The following CLCN3 variants were observed in gnomAD, a reference collection of about 807,000 sequenced individuals.
CLCN3 encodes the protein Cl-/H+ antiporter 3, also known as H(+)/Cl(-) exchange transporter 3.
CLCN3 carries 16 observed loss-of-function variants against 83.4 expected under a neutral mutation model. The observed-to-expected ratio is 0.19, with a 90% CI of 0.13 to 0.29. The LOEUF (loss-of-function observed/expected upper bound fraction) is 0.29. Ranked by LOEUF, CLCN3 falls within the 10% of genes least tolerant of loss-of-function variation. The pLI is 1.00. For synonymous variants in CLCN3, 322 were observed against 346.2 expected, an observed-to-expected ratio of 0.93 and a Z score of 0.78; for missense variants, 544 against 1,006.0, an observed-to-expected ratio of 0.54 and a Z score of 6.21.
intron 2 of CLCN3, chr4:169,660,515 G>A: frequency 9.0e-7 from 1 of 1,107,688 alleles, no homozygotes; most frequent in Non-Finnish European, 1.2e-6. Flanking sequence ...CGGTCCTCTA[G>A]CTTAAACTGG....
intron 10 of CLCN3, among the ~76,000 whole-genome samples, chr4:169,706,133 A>T (rs1304142722): frequency 6.6e-6 from 1 of 152,108 alleles, no homozygotes; most frequent in African/African-American, 2.4e-5. Flanking sequence ...AGCCCAAACG[A>T]GCCTCCCACC....
intron 9 of CLCN3, among the ~76,000 whole-genome samples, chr4:169,702,236 G>A (rs1183380976): frequency 2.0e-5 from 3 of 152,134 alleles, no homozygotes; most frequent in East Asian, 1.9e-4. Context: ...GGGTTGGGAG[G>A]ATGCCTGTCC....
chr4:169,649,492 A>G (rs936512511), intron 2 of CLCN3, among the ~76,000 whole-genome samples: 4 of 152,220 alleles, frequency 2.6e-5, no homozygotes, highest in African/African-American at 9.6e-5. Context: ...GTCTAGGACT[A>G]TAGGTAGTGA....
At chr4:169,712,580 A>G (rs1733264386) in intron 11 of CLCN3, among the ~76,000 whole-genome samples, 1 of 152,230 alleles carries the variant, frequency 6.6e-6, no homozygotes, top group Non-Finnish European at 1.5e-5. Context: ...TAACATGAGA[A>G]AAGAAAAAGA....
intron 2 of CLCN3, among the ~76,000 whole-genome samples, chr4:169,676,773 C>G (rs1731697895): frequency 6.6e-6 from 1 of 151,136 alleles, no homozygotes; most frequent in Non-Finnish European, 1.5e-5. Context: ...GCTGGGATTA[C>G]AAGCGTGAGC....
intron 6 of CLCN3, among the ~76,000 whole-genome samples, chr4:169,691,774 T>G (rs560216500): frequency 1.7e-4 from 26 of 152,312 alleles, no homozygotes; most frequent in Admixed American, 3.3e-4. Context: ...TTATGCTTAT[T>G]TTTACAACAG....
rs558542444 is a variant in CLCN3, at chr4:169,671,610, T to TAA, written c.161-8432_161-8431dup. Among the ~76,000 whole-genome samples, 331 of 151,482 alleles carry TAA rather than the reference T, an allele frequency of 2.2e-3. 1 individual carries two copies. The highest frequency in any genetic ancestry group is 3.7e-3 in the Non-Finnish European group (252 of 67,804). On this transcript the variant is annotated intron_variant, in intron 2 of 12. Transcript: ENST00000513761. ...GAACATGTATCCCAGAACTTAAATT[T>TAA]AAAAAAAAAGAATTTTTCTCCTCTG...
intron 12 of CLCN3, among the ~76,000 whole-genome samples, chr4:169,714,177 T>C (rs1197658297): frequency 2.0e-5 from 3 of 152,084 alleles, no homozygotes; most frequent in Admixed American, 1.3e-4. Context: ...CGAAGGCAAA[T>C]ACCAAAAAAC....
intron 11 of CLCN3, among the ~76,000 whole-genome samples, chr4:169,710,627 A>T (rs1023744971): frequency 6.6e-6 from 1 of 152,244 alleles, no homozygotes; most frequent in African/African-American, 2.4e-5. Context: ...CACTTCTGGT[A>T]CTTTGTATAT....
chr4:169,708,745 G>A (rs1020985880), intron 11 of CLCN3, among the ~76,000 whole-genome samples: 1 of 152,086 alleles, frequency 6.6e-6, no homozygotes, highest in African/African-American at 2.4e-5. Flanking sequence ...TCTTGAGAGA[G>A]AGAATATTGA....
At chr4:169,705,525 G>T (rs1366341009) in intron 10 of CLCN3, among the ~76,000 whole-genome samples, 1 of 151,858 alleles carries the variant, frequency 6.6e-6, no homozygotes, top group African/African-American at 2.4e-5. Flanking sequence ...TGCTAGGTTT[G>T]TTTTGAGGAT....
At chr4:169,647,419 T>C (rs1201115873) in intron 2 of CLCN3, among the ~76,000 whole-genome samples, 1 of 152,032 alleles carries the variant, frequency 6.6e-6, no homozygotes, top group East Asian at 1.9e-4. Context: ...TAGTTAACTT[T>C]AGGTCTTAGT....
At chr4:169,629,007 C>G (rs1490750968) in intron 1 of CLCN3, among the ~76,000 whole-genome samples, 1 of 152,184 alleles carries the variant, frequency 6.6e-6, no homozygotes, top group African/African-American at 2.4e-5. Flanking sequence ...GGATGAATCT[C>G]CAGAGAATTG....
At chr4:169,710,469 T>G (rs1733168318) in intron 11 of CLCN3, among the ~76,000 whole-genome samples, 1 of 152,208 alleles carries the variant, frequency 6.6e-6, no homozygotes, top group African/African-American at 2.4e-5. Context: ...TTTTGCCATG[T>G]TGCCCAGGCT....
At chr4:169,623,162 G>C (rs1478758719) in intron 1 of CLCN3, among the ~76,000 whole-genome samples, 1 of 152,080 alleles carries the variant, frequency 6.6e-6, no homozygotes, top group Non-Finnish European at 1.5e-5. Context: ...AGAAATAATC[G>C]AACAGTTTCT....
chr4:169,647,905 A>G (rs1320586202), intron 2 of CLCN3, among the ~76,000 whole-genome samples: 1 of 152,236 alleles, frequency 6.6e-6, no homozygotes, highest in East Asian at 1.9e-4. Context: ...ATCACCAGAG[A>G]TAAATCATAG....
chr4:169,717,143 A>T (rs1435526253), intron 12 of CLCN3, among the ~76,000 whole-genome samples: 2 of 152,332 alleles, frequency 1.3e-5, no homozygotes, highest in Admixed American at 1.3e-4. Flanking sequence ...ATTTAGAAAA[A>T]AATGCACAAA....
At chr4:169,689,804 G>A (rs569291875) in intron 5 of CLCN3, among the ~76,000 whole-genome samples, 62 of 152,008 alleles carry the variant, frequency 4.1e-4, no homozygotes, top group Non-Finnish European at 8.5e-4. Flanking sequence ...ATACATTTGC[G>A]GTAAGATGAG....
intron 2 of CLCN3, among the ~76,000 whole-genome samples, chr4:169,656,078 T>C (rs974388626): frequency 4.6e-5 from 7 of 151,996 alleles, no homozygotes; most frequent in African/African-American, 7.2e-5. Flanking sequence ...TTTTTTTTTT[T>C]CTCTGATGCA....
Sources: allele counts gnomAD v4.1 joint callset (sites outside exome capture counted in the v4.1 genomes callset), GRCh38; gene constraint gnomAD v4.1.1; transcripts MANE v1.5; gene names NCBI Gene and HGNC (gene_info 2026-07-23, HGNC 2026-07-21).